SULT2B1: variants seen among roughly 807,000 people sequenced by gnomAD.
The protein encoded by SULT2B1 is sulfotransferase 2B1.
SULT2B1 carries 16 observed loss-of-function variants against 33.2 expected under a neutral mutation model. That is an observed-to-expected ratio of 0.48 (90% CI 0.33 to 0.73). The LOEUF (loss-of-function observed/expected upper bound fraction) is 0.73. Ranked by LOEUF, SULT2B1 falls within the 30% of genes least tolerant of loss-of-function variation. The pLI, the probability that SULT2B1 is intolerant of heterozygous loss-of-function variation, is 0.02. For missense variants in SULT2B1, 500 were observed against 506.0 expected, an observed-to-expected ratio of 0.99 and a Z score of 0.11; for synonymous variants, 186 against 200.5, an observed-to-expected ratio of 0.93 and a Z score of 0.61.
At chr19:48,554,303 C>A (rs542560934) in intron 1 of SULT2B1, among the ~76,000 whole-genome samples, 3 of 150,474 alleles carry the variant, frequency 2.0e-5, no homozygotes, top group African/African-American at 4.9e-5. Context: ...CGCCACGTAC[C>A]CCCCCAGATT....
intron 1 of SULT2B1, among the ~76,000 whole-genome samples, chr19:48,553,305 TTA>T (rs1433137816): frequency 1.3e-5 from 2 of 152,230 alleles, no homozygotes; most frequent in Admixed American, 6.5e-5. Context: ...CATTCCTTTC[TTA>T]TTTTATTTTA....
In SULT2B1 at chr19:48,596,900, CG is replaced by C; in HGVS notation, c.811del (p.Ala271ProfsTer?). 1.3e-6 allele frequency: 2 copies of C among 1,599,316 alleles called. No homozygotes were observed. ...LPPSLLDHRR[G>X]AFLRKGVCGD... is the part of the protein sequence containing the mutation. ...CTCCCAGCCTGCTGGACCACCGTCG[CG>C]GGGCCTTCCTCCGGAAAGGTGCGGG... On this transcript the variant is annotated frameshift_variant, in exon 6 of 7. Coordinates refer to ENST00000201586, the MANE Select transcript of SULT2B1 (RefSeq NM_177973.2). LOFTEE classifies it low-confidence loss of function (END_TRUNC).
chr19:48,597,948 C>G (rs1033406067), intron 6 of SULT2B1, among the ~76,000 whole-genome samples: 9 of 152,118 alleles, frequency 5.9e-5, no homozygotes, highest in Admixed American at 3.3e-4. Flanking sequence ...GAAGCATCTT[C>G]TAATCTCTGA....
At chr19:48,580,344 T>C (rs1204642298) in intron 2 of SULT2B1, among the ~76,000 whole-genome samples, 2 of 149,842 alleles carry the variant, frequency 1.3e-5, no homozygotes, top group Non-Finnish European at 3.0e-5. Flanking sequence ...CTGCAACCTC[T>C]GCCTCCACAG....
At chr19:48,577,155 C>G (rs907173398) in intron 2 of SULT2B1, among the ~76,000 whole-genome samples, 2 of 149,670 alleles carry the variant, frequency 1.3e-5, no homozygotes, top group Non-Finnish European at 3.0e-5. Flanking sequence ...GCCTCAGCCT[C>G]CTGAGTAGCT....
At chr19:48,593,599 A>G (rs931537828) in intron 5 of SULT2B1, among the ~76,000 whole-genome samples, 1 of 152,008 alleles carries the variant, frequency 6.6e-6, no homozygotes, top group Non-Finnish European at 1.5e-5. Context: ...GCCTGCATTC[A>G]ACCAGTTTTT....
chr19:48,571,384 A>G (rs897634350), intron 1 of SULT2B1, among the ~76,000 whole-genome samples: 2 of 151,058 alleles, frequency 1.3e-5, no homozygotes, highest in African/African-American at 4.9e-5. Context: ...TTTAGTAGAG[A>G]TGGGGTTTCA....
At chr19:48,560,941 AAC>A (rs894246498) in intron 1 of SULT2B1, among the ~76,000 whole-genome samples, 1 of 151,676 alleles carries the variant, frequency 6.6e-6, no homozygotes, top group Non-Finnish European at 1.5e-5. Flanking sequence ...CAGCCTGGGC[AAC>A]AAGAGCAAAA....
intron 1 of SULT2B1, among the ~76,000 whole-genome samples, chr19:48,565,164 G>A (rs1004860697): frequency 1.4e-4 from 22 of 151,886 alleles, no homozygotes; most frequent in African/African-American, 5.3e-4. Context: ...GACCTCAGAT[G>A]ACCCGCCTCC....
At chr19:48,569,364 ATATAT>A (rs1568405800) in intron 1 of SULT2B1, among the ~76,000 whole-genome samples, 134 of 1,398 alleles carry the variant, frequency 0.096, 2 homozygotes, top group African/African-American at 0.24. Flanking sequence ...AAAAAAAAAC[ATATAT>A]ATATATATAT....
intron 1 of SULT2B1, among the ~76,000 whole-genome samples, chr19:48,565,134 C>T (rs1484586913): frequency 6.6e-6 from 1 of 151,736 alleles, no homozygotes; most frequent in Non-Finnish European, 1.5e-5. Context: ...CCATGTTAGA[C>T]GGGCTGGTCT....
intron 1 of SULT2B1, among the ~76,000 whole-genome samples, chr19:48,553,130 G>T (rs543119289): frequency 6.6e-6 from 1 of 152,162 alleles, no homozygotes; most frequent in African/African-American, 2.4e-5. Flanking sequence ...CCCAGAGAGG[G>T]CAGGCAGCCT....
chr19:48,575,004 A>AT (rs1037923392), intron 1 of SULT2B1, among the ~76,000 whole-genome samples: 1 of 152,046 alleles, frequency 6.6e-6, no homozygotes, highest in African/African-American at 2.4e-5. Context: ...CTGAGTTCAC[A>AT]TAAGGCCCCG....
chr19:48,591,717 G>A lies in SULT2B1; in HGVS notation c.532G>A (p.Asp178Asn). 1 of 1,604,594 alleles carries A rather than the reference G, an allele frequency of 6.2e-7. No individual in the cohort carries two copies. The highest frequency in any genetic ancestry group is 8.5e-7 in the Non-Finnish European group (1 of 1,175,400). The change falls in exon 4 of 7, where the codon GAC (aspartate) becomes AAC (asparagine). Residue 178 changes from aspartate (D) to asparagine (N), a missense_variant. By Grantham distance (23) the Asp-to-Asn change is conservative. Coordinates refer to ENST00000201586, the MANE Select transcript of SULT2B1 (RefSeq NM_177973.2). ...GGGCACACCCGACCAGTTCCTGAGG[G>A]ACTTCCTCAAAGGCGAAGGTGGGGA... ...DPGTPDQFLR[D>N]FLKGEVQFGS... is the part of the protein sequence containing the mutation.
chr19:48,567,805 AC>A (rs1470773500), intron 1 of SULT2B1, among the ~76,000 whole-genome samples: 2 of 151,708 alleles, frequency 1.3e-5, no homozygotes, highest in Non-Finnish European at 2.9e-5. Context: ...CTCTATCTCT[AC>A]AAAAAATGTA....
rs554333540 is a variant in SULT2B1, at chr19:48,558,771, G to A, written c.71+6448G>A. On this transcript the variant is annotated intron_variant, in intron 1 of 6. Coordinates refer to ENST00000201586, the MANE Select transcript of SULT2B1 (RefSeq NM_177973.2). ...ACCATCTCGGCTGACTGCAACAGCC[G>A]CCTCCGGGGTTCAAGCGATTCTCCT... Among the ~76,000 whole-genome samples, 191 of 142,316 alleles carry A rather than the reference G, an allele frequency of 1.3e-3. 6 individuals are homozygous for A. In the South Asian group the frequency reaches 0.041, roughly 30 times the overall value. The allele number at this position is 142,316 out of a possible 152,430, so 93.4% of individuals were successfully genotyped here.
At chr19:48,562,251 G>A (rs1040840088) in intron 1 of SULT2B1, among the ~76,000 whole-genome samples, 4 of 152,110 alleles carry the variant, frequency 2.6e-5, no homozygotes, top group African/African-American at 9.7e-5. Flanking sequence ...AGCCAGGCGT[G>A]GTGGCACATG....
At chr19:48,564,874 T>A (rs1973225564) in intron 1 of SULT2B1, among the ~76,000 whole-genome samples, 1 of 152,034 alleles carries the variant, frequency 6.6e-6, no homozygotes, top group South Asian at 2.1e-4. Context: ...CACTGCAACC[T>A]CTGCCCCCCA....
intron 6 of SULT2B1, among the ~76,000 whole-genome samples, chr19:48,597,369 G>A (rs927992991): frequency 1.5e-5 from 2 of 133,338 alleles, no homozygotes; most frequent in African/African-American, 2.9e-5. Flanking sequence ...AAAGAGTCTC[G>A]CTCTGTCGCC....
Sources: allele counts gnomAD v4.1 joint callset (sites outside exome capture counted in the v4.1 genomes callset), GRCh38; gene constraint gnomAD v4.1.1; transcripts MANE v1.5; gene names NCBI Gene and HGNC (gene_info 2026-07-23, HGNC 2026-07-21).